The following FNDC4 variants were observed in gnomAD, a reference collection of about 807,000 sequenced individuals.
The protein encoded by FNDC4 is fibronectin type III domain containing 4.
In FNDC4, 11 loss-of-function variants were observed where a neutral mutation model predicts 25.1. The observed-to-expected ratio is 0.44, with a 90% CI of 0.28 to 0.73. The LOEUF is 0.73. Ranked by LOEUF, FNDC4 falls within the 30% of genes least tolerant of loss-of-function variation. The pLI, the probability that FNDC4 is intolerant of heterozygous loss-of-function variation, is 0.16. For missense variants in FNDC4, 250 were observed against 304.3 expected (o/e 0.82, Z 1.33); for synonymous variants, 136 against 118.8 (o/e 1.14, Z -0.94).
Position 27,494,650 on chromosome 2 carries a change from G to A in FNDC4, c.30C>T (p.Pro10=), listed in dbSNP as rs758790557. Residue 10 remains proline, a synonymous_variant, in exon 2 of 7, where the codon CCC becomes CCT. Transcript: ENST00000264703. The surrounding 1 kb of genome is among the most constrained non-coding windows in gnomAD (Gnocchi z 4.6). MPSGCHSSP[P]SGLRGDMASL... is the part of the protein sequence containing the mutation. ...AAGCCATGTCCCCACGGAGTCCGCT[G>A]GGGGGGGAACTGTGGCATCCGCTTG... 3.8e-6 allele frequency: 6 copies of A among 1,578,264 alleles called. No individual in the cohort carries two copies. In the African/African-American group the frequency reaches 6.8e-5, roughly 18 times the overall value.
Position 27,494,765 on chromosome 2 carries a change from C to CCCAGG in FNDC4, c.-24-63_-24-62insCCTGG. ...CCCAGAACGCACGGAGGTCGGGGGG[C>CCCAGG]AGCAGCTCTCCTGGGCTCCCCACAG... On this transcript the variant is annotated intron_variant, in intron 1 of 6. Transcript: ENST00000264703. The surrounding 1 kb of genome is among the most constrained non-coding windows in gnomAD (Gnocchi z 4.6). The CCCAGG allele has an allele frequency of 1.4e-6, 1 of 735,032 alleles. No homozygotes were observed. The highest frequency in any genetic ancestry group is 2.2e-6 in the Non-Finnish European group (1 of 456,460). The allele number at this position is 735,032 out of a possible 1,614,324, so 45.5% of individuals were successfully genotyped here.
chr2:27,493,157 C>T (rs1018042716), intron 5 of FNDC4, among the ~76,000 whole-genome samples: 2 of 151,894 alleles, frequency 1.3e-5, no homozygotes, highest in Non-Finnish European at 1.5e-5. Context: ...GGGTTACAGG[C>T]GCCCTCCACC....
In FNDC4 at chr2:27,492,246, G is replaced by C. The variant is rs142253706; in HGVS notation, c.*197C>G. On this transcript the variant is annotated 3_prime_UTR_variant, in exon 7 of 7. Transcript: ENST00000264703. This position sits in a 1 kb window ranked among gnomAD's most constrained non-coding sequence, Gnocchi z 4.1. The stretch of plus-strand genomic sequence containing the variant: ...TATCCCATCTGATATCCACTCCCCA[G>C]GTCCAGGGGCACAGACTCTGAACAG... 589 of 650,850 alleles carry C rather than the reference G, an allele frequency of 9.0e-4. 5 individuals carry two copies. The African/African-American group carries it at 9.1e-3, about 10-fold the overall frequency. The allele number at this position is 650,850 out of a possible 1,614,324, so 40.3% of individuals were successfully genotyped here. A position where few individuals can be genotyped will look rare whatever the true frequency, so the allele number is the denominator to read the frequency against.
Position 27,494,043 on chromosome 2 carries a change from T to C in FNDC4, c.341A>G (p.Tyr114Cys). Reference sequence around the variant, plus strand: ...GCCGATGCTCCTGACCTGCACTGTGTAGTCACTGTCTTCAGCCAGGCCCCA... The same window carrying C: ...GCCGATGCTCCTGACCTGCACTGTGCAGTCACTGTCTTCAGCCAGGCCCCA... The part of the protein sequence containing the change: ...ALWGLAEDSD[Y>C]TVQVRSIGLR... Residue 114 changes from tyrosine (Y) to cysteine (C), a missense_variant, in exon 4 of 7, where the codon TAC becomes TGC. Coordinates refer to ENST00000264703, the MANE Select transcript of FNDC4 (RefSeq NM_022823.3). This position sits in a 1 kb window ranked among gnomAD's most constrained non-coding sequence, Gnocchi z 4.6. The C allele has an allele frequency of 6.2e-7, 1 of 1,614,206 alleles. No homozygotes were observed. The highest frequency in any genetic ancestry group is 1.7e-5 in the Admixed American group (1 of 60,030).
In FNDC4 at chr2:27,492,195, C is replaced by T; in HGVS notation, c.*248G>A. 1.7e-6 allele frequency: 1 copy of T among 585,782 alleles called. No individual in the cohort carries two copies. Among genetic ancestry groups the T allele is most frequent in the Non-Finnish European group, 3.1e-6 (1 of 327,670 alleles). The allele number at this position is 585,782 out of a possible 1,614,324, so 36.3% of individuals were successfully genotyped here. A position where few individuals can be genotyped will look rare whatever the true frequency, so the allele number is the denominator to read the frequency against. On this transcript the variant is annotated 3_prime_UTR_variant, in exon 7 of 7. Coordinates refer to ENST00000264703, the MANE Select transcript of FNDC4 (RefSeq NM_022823.3). This position sits in a 1 kb window ranked among gnomAD's most constrained non-coding sequence, Gnocchi z 4.1. ...GGAGTAGGGTACAACTAGTGACTCT[C>T]CCCTGGACCGGGGAATGGAAGGAGA... is the stretch of plus-strand genomic sequence containing the variant.
chr2:27,494,734 G>GGACT lies in FNDC4; in HGVS notation c.-24-35_-24-32dup. On this transcript the variant is annotated intron_variant, in intron 1 of 6. Coordinates refer to ENST00000264703, the MANE Select transcript of FNDC4 (RefSeq NM_022823.3). The surrounding 1 kb of genome is among the most constrained non-coding windows in gnomAD (Gnocchi z 4.6). ...GATGGCAGGAGTTGTGGGGGGTCAA[G>GGACT]GACTGCCCAGAACGCACGGAGGTCG... The GGACT allele has an allele frequency of 7.1e-7, 1 of 1,405,644 alleles. No homozygotes were observed. The highest frequency in any genetic ancestry group is 1.4e-5 in the South Asian group (1 of 69,610). 87.1% of individuals were successfully genotyped at this position (1,405,644 alleles called of 1,614,324 possible).
Position 27,492,216 on chromosome 2 carries a change from G to A in FNDC4, c.*227C>T, listed in dbSNP as rs1281061429. 2 of 597,762 alleles carry A rather than the reference G, an allele frequency of 3.3e-6. No individual in the cohort carries two copies. The highest frequency in any genetic ancestry group is 2.8e-5 in the East Asian group (1 of 36,318). The allele number at this position is 597,762 out of a possible 1,614,324, so 37.0% of individuals were successfully genotyped here. ...CTCTCCCCTGGACCGGGGAATGGAA[G>A]GAGATATCCCATCTGATATCCACTC... On this transcript the variant is annotated 3_prime_UTR_variant, in exon 7 of 7. Transcript: ENST00000264703. This position sits in a 1 kb window ranked among gnomAD's most constrained non-coding sequence, Gnocchi z 4.1.
Position 27,492,528 on chromosome 2 carries a change from C to T in FNDC4, c.670-50G>A. ...TCAACTTCAGGAAGGTAATAGGTGC[C>T]ACCCTTTCTCTCCAGCCTCCCCCAT... On this transcript the variant is annotated intron_variant, in intron 6 of 6. Coordinates refer to ENST00000264703, the MANE Select transcript of FNDC4 (RefSeq NM_022823.3). This position sits in a 1 kb window ranked among gnomAD's most constrained non-coding sequence, Gnocchi z 4.1. 1 of 1,594,640 alleles carries T rather than the reference C, an allele frequency of 6.3e-7. No individual in the cohort carries two copies.
In FNDC4 at chr2:27,494,076, C is replaced by A. The variant is rs765550102; in HGVS notation, c.308G>T (p.Cys103Phe). Residue 103 changes from cysteine (C) to phenylalanine (F), a missense_variant, in exon 4 of 7, where the codon TGT (cysteine) becomes TTT (phenylalanine). Physicochemically the swap from Cys to Phe is radical, Grantham distance 205. Coordinates refer to ENST00000264703, the MANE Select transcript of FNDC4 (RefSeq NM_022823.3). This position sits in a 1 kb window ranked among gnomAD's most constrained non-coding sequence, Gnocchi z 4.6. Reference protein sequence around the residue: ...IREVNTTTRACALWGLAEDSD... With the variant: ...IREVNTTTRAFALWGLAEDSD... Reference sequence around the variant, plus strand: ...GTCTTCAGCCAGGCCCCAGAGGGCACAGGCCCGGGTGGTGGTGTTCACCTC... The same window carrying A: ...GTCTTCAGCCAGGCCCCAGAGGGCAAAGGCCCGGGTGGTGGTGTTCACCTC... 6.2e-7 allele frequency: 1 copy of A among 1,614,154 alleles called. No homozygotes were observed. The highest frequency in any genetic ancestry group is 8.5e-7 in the Non-Finnish European group (1 of 1,180,016).
At position 27,494,036 on chromosome 2, in the gene FNDC4, C is replaced by T. The variant is rs138262822; in HGVS notation, c.348G>A (p.Val116=). Residue 116 remains valine, a synonymous_variant, in exon 4 of 7, where the codon GTG becomes GTA. Transcript: ENST00000264703. The surrounding 1 kb of genome is among the most constrained non-coding windows in gnomAD (Gnocchi z 4.6). ...CCCGAAGGCCGATGCTCCTGACCTG[C>T]ACTGTGTAGTCACTGTCTTCAGCCA... ...WGLAEDSDYT[V]QVRSIGLRGE... is the part of the protein sequence containing the mutation. 8.3e-4 allele frequency: 1,337 copies of T among 1,614,090 alleles called. 2 individuals are homozygous for T. The highest frequency in any genetic ancestry group is 1.1e-3 in the Non-Finnish European group (1,246 of 1,180,034).
rs145335408 is a variant in FNDC4 at position 27,492,852 on chromosome 2, G to A, written c.545-62C>T. ...TCCCCCCTCATAGGGAGATACCTAC[G>A]TAGCTTCTAGAAAATCCATGAAGAA... On this transcript the variant is annotated intron_variant, in intron 5 of 6. Coordinates refer to ENST00000264703, the MANE Select transcript of FNDC4 (RefSeq NM_022823.3). The surrounding 1 kb of genome is among the most constrained non-coding windows in gnomAD (Gnocchi z 4.1). The A allele has an allele frequency of 8.8e-6, 14 of 1,597,504 alleles. No individual in the cohort carries two copies. The highest frequency in any genetic ancestry group is 4.5e-5 in the East Asian group (2 of 44,756).
rs1263623574 is a variant in FNDC4, at chr2:27,494,170, C to A, written c.250-36G>T. The A allele has an allele frequency of 1.9e-6, 3 of 1,591,982 alleles. No individual in the cohort carries two copies. In the African/African-American group the frequency reaches 4.0e-5, roughly 21 times the overall value. On this transcript the variant is annotated intron_variant, in intron 3 of 6. Transcript: ENST00000264703. This position sits in a 1 kb window ranked among gnomAD's most constrained non-coding sequence, Gnocchi z 4.6. ...ATGAGGGGAGAGGAGGACAGCCTCA[C>A]CCCAGTGCCAGGCCACAAGGCTCAA...
intron 4 of FNDC4, 96 bp downstream of exon 4, chr2:27,493,834 A>G (rs1178777886): frequency 3.5e-6 from 4 of 1,132,740 alleles, no homozygotes. Context: ...AAATCATCCT[A>G]TTCAACTCAG....
chr2:27,492,716 C>T lies in FNDC4; in HGVS notation c.619G>A (p.Gly207Arg), dbSNP rs2148573658. The T allele has an allele frequency of 2.5e-6, 4 of 1,614,164 alleles. No individual in the cohort carries two copies. Among genetic ancestry groups the T allele is most frequent in the Non-Finnish European group, 3.4e-6 (4 of 1,180,030 alleles). Residue 207 changes from glycine (G) to arginine (R), a missense_variant, in exon 6 of 7, where the codon GGA becomes AGA. Gly to Arg is a moderately radical substitution (Grantham distance 125, BLOSUM62 -2). Coordinates refer to ENST00000264703, the MANE Select transcript of FNDC4 (RefSeq NM_022823.3). This position sits in a 1 kb window ranked among gnomAD's most constrained non-coding sequence, Gnocchi z 4.1. ...NDSNNNPKEK[G>R]KGPEQSPQGR... ...TGAGGACTCTGTTCCGGCCCCTTTC[C>T]CTTCTCCTTGGGATTGTTGTTGGAG...
In FNDC4 at chr2:27,492,915, TGGGCTCTCAACAGCCTCCTCTCC is replaced by T. The variant is rs2148573803; in HGVS notation, c.545-148_545-126del. 1 of 1,064,668 alleles carries T rather than the reference TGGGCTCTCAACAGCCTCCTCTCC, an allele frequency of 9.4e-7. No individual in the cohort carries two copies. Among genetic ancestry groups the T allele is most frequent in the Non-Finnish European group, 1.4e-6 (1 of 720,280 alleles). 66.0% of individuals were successfully genotyped at this position (1,064,668 alleles called of 1,614,324 possible). A position where few individuals can be genotyped will look rare whatever the true frequency, so the allele number is the denominator to read the frequency against. ...CTGGTGCCCATGCAGTCCTCCTCTCTGGGCTCTCAACAGCCTCCTCTCCCTCTCTTCAAAGTTCAAATCATCCC... is the reference window on the plus strand; with the variant it reads ...CTGGTGCCCATGCAGTCCTCCTCTCTCTCTCTTCAAAGTTCAAATCATCCC... On this transcript the variant is annotated intron_variant, in intron 5 of 6. Coordinates refer to ENST00000264703, the MANE Select transcript of FNDC4 (RefSeq NM_022823.3). The surrounding 1 kb of genome is among the most constrained non-coding windows in gnomAD (Gnocchi z 4.1).
In FNDC4 at chr2:27,492,868, C is replaced by A; in HGVS notation, c.545-78G>T. 2 of 1,557,454 alleles carry A rather than the reference C, an allele frequency of 1.3e-6. No individual in the cohort carries two copies. The highest frequency in any genetic ancestry group is 1.8e-6 in the Non-Finnish European group (2 of 1,136,862). The stretch of plus-strand genomic sequence containing the variant: ...GATACCTACGTAGCTTCTAGAAAAT[C>A]CATGAAGAACATCCTGAATTCCTGG... On this transcript the variant is annotated intron_variant, in intron 5 of 6. Coordinates refer to ENST00000264703, the MANE Select transcript of FNDC4 (RefSeq NM_022823.3). The surrounding 1 kb of genome is among the most constrained non-coding windows in gnomAD (Gnocchi z 4.1).
chr2:27,493,991 G>C lies in FNDC4; in HGVS notation c.393C>G (p.Pro131=). The C allele has an allele frequency of 1.2e-6, 2 of 1,614,196 alleles. No homozygotes were observed. The highest frequency in any genetic ancestry group is 1.7e-6 in the Non-Finnish European group (2 of 1,180,042). ...IGLRGESPPG[P]RVHFRTLKGS... is the part of the protein sequence containing the mutation. ...CCTTGAGAGTTCGGAAGTGCACCCG[G>C]GGCCCTGGGGGACTCTCTCCCCGAA... is the stretch of plus-strand genomic sequence containing the variant. The change falls in exon 4 of 7, where the codon CCC becomes CCG. Residue 131 remains proline, a synonymous_variant. Transcript: ENST00000264703.
chr2:27,492,483 G>A lies in FNDC4; in HGVS notation c.670-5C>T. On this transcript the variant is annotated splice_polypyrimidine_tract_variant and splice_region_variant and intron_variant, in intron 6 of 6. Transcript: ENST00000264703. The surrounding 1 kb of genome is among the most constrained non-coding windows in gnomAD (Gnocchi z 4.1). ...GTTGATAGATGGTGACTTTTTCTGTGAAAGAAAATGGCCTGAGTCTCAACT... is the reference window on the plus strand; with the variant it reads ...GTTGATAGATGGTGACTTTTTCTGTAAAAGAAAATGGCCTGAGTCTCAACT... 1 of 1,613,662 alleles carries A rather than the reference G, an allele frequency of 6.2e-7. No individual in the cohort carries two copies. The highest frequency in any genetic ancestry group is 1.1e-5 in the South Asian group (1 of 91,078).
chr2:27,494,873 C>T lies in FNDC4; in HGVS notation c.-25+5G>A, dbSNP rs1669346489. On this transcript the variant is annotated splice_donor_5th_base_variant and intron_variant, in intron 1 of 6. Transcript: ENST00000264703. The surrounding 1 kb of genome is among the most constrained non-coding windows in gnomAD (Gnocchi z 4.6). ...CAGAGTGCGGTCCGCCCTGCCCACA[C>T]CCACCTCCGCCGGTCCTCGCGGTTG... The T allele has an allele frequency of 7.6e-6, 4 of 524,100 alleles. No individual in the cohort carries two copies. Among genetic ancestry groups the T allele is most frequent in the Non-Finnish European group, 3.3e-6 (1 of 298,808 alleles). 32.5% of individuals were successfully genotyped at this position (524,100 alleles called of 1,614,324 possible).
Sources: gnomAD v4.1 joint callset for allele counts (sites outside exome capture counted in the v4.1 genomes callset) on GRCh38, gnomAD v4.1.1 for gene constraint, Gnocchi (gnomAD v3.1) non-coding constraint, MANE v1.5 for transcripts, NCBI Gene and HGNC (gene_info 2026-07-23, HGNC 2026-07-21) for gene names.